ELF1: variants seen among roughly 807,000 people sequenced by gnomAD.
ELF1 encodes E74 like ETS transcription factor 1, also known as ETS-related transcription factor Elf-1.
In ELF1, 24 loss-of-function variants were observed where a neutral mutation model predicts 59.9. The ratio of observed to expected loss-of-function variants is 0.40; its 90% CI spans 0.29 to 0.56. The LOEUF is 0.56. ELF1 is among the 20% of genes least tolerant of loss of function. ELF1 has a pLI of 0.44. For missense variants in ELF1, 627 were observed against 742.2 expected, an observed-to-expected ratio of 0.84 and a Z score of 1.80; for synonymous variants, 248 against 266.2, an observed-to-expected ratio of 0.93 and a Z score of 0.67.
chr13:41,035,673 G>C (rs1466194869), intron 1 of ELF1, among the ~76,000 whole-genome samples: 2 of 137,392 alleles, frequency 1.5e-5, no homozygotes, highest in African/African-American at 5.4e-5. Flanking sequence ...ATTAATAGGT[G>C]AAAAATAATA....
At position 40,951,315 on chromosome 13, in the gene ELF1, T is replaced by A; in HGVS notation, c.361+14A>T. On this transcript the variant is annotated intron_variant, in intron 4 of 8. Transcript: ENST00000239882. The stretch of plus-strand genomic sequence containing the variant: ...TAACAAAGTACATAAACATAAACAA[T>A]CATAATCACTCACTTATTCGTTTTT... The A allele has an allele frequency of 1.3e-6, 2 of 1,593,352 alleles. No homozygotes were observed. The highest frequency in any genetic ancestry group is 1.7e-6 in the Non-Finnish European group (2 of 1,164,164).
Position 41,011,287 on chromosome 13 carries a change from T to C in ELF1, c.-229+7941A>G, listed in dbSNP as rs78537628. 2.0e-4 allele frequency among the ~76,000 whole-genome samples: 31 copies of C among 152,302 alleles called. No homozygotes were observed. The East Asian group carries it at 5.6e-3, about 27-fold the overall frequency. On this transcript the variant is annotated intron_variant, in intron 1 of 8. Coordinates refer to ENST00000239882, the MANE Select transcript of ELF1 (RefSeq NM_172373.4). Reference sequence around the variant, plus strand: ...GAAGATGAAACCTAACTAAATTACTTCTAGGTAACTAAAGCTCCAATTTGT... The same window carrying C: ...GAAGATGAAACCTAACTAAATTACTCCTAGGTAACTAAAGCTCCAATTTGT...
intron 1 of ELF1, among the ~76,000 whole-genome samples, chr13:41,014,502 A>G (rs1337796062): frequency 6.6e-6 from 1 of 152,132 alleles, no homozygotes; most frequent in African/African-American, 2.4e-5. Flanking sequence ...CCATGACCAG[A>G]AAAGACATTT....
chr13:40,989,285 A>C (rs775188889), intron 1 of ELF1, among the ~76,000 whole-genome samples: 11 of 152,198 alleles, frequency 7.2e-5, no homozygotes, highest in Non-Finnish European at 1.5e-4. Context: ...CTACACACAA[A>C]GTTGAAGGGA....
intron 1 of ELF1, among the ~76,000 whole-genome samples, chr13:41,016,395 A>G (rs1396706373): frequency 6.6e-6 from 1 of 152,190 alleles, no homozygotes; most frequent in Non-Finnish European, 1.5e-5. Flanking sequence ...CAGACAAAAG[A>G]TTTTGTATAT....
chr13:40,993,079 CA>C, intron 1 of ELF1: 1 of 1,608,462 alleles, frequency 6.2e-7, no homozygotes, highest in Non-Finnish European at 8.5e-7. Flanking sequence ...ATCATCTTGT[CA>C]AAATTTTGAG....
chr13:40,933,799 AAGG>A lies in ELF1; in HGVS notation c.1483_1485del (p.Pro495del). On this transcript the variant is annotated inframe_deletion, in exon 9 of 9. Coordinates refer to ENST00000239882, the MANE Select transcript of ELF1 (RefSeq NM_172373.4). Reference sequence around the variant, plus strand: ...ACCTGGGCAGGGCCCAAGACAATTGAAGGAGGAGAGCCCGCCTTTTGTGACTGC... The same window carrying A: ...ACCTGGGCAGGGCCCAAGACAATTGAAGGAGAGCCCGCCTTTTGTGACTGC... 3 of 1,614,250 alleles carry A rather than the reference AAGG, an allele frequency of 1.9e-6. No homozygotes were observed. Among genetic ancestry groups the A allele is most frequent in the Non-Finnish European group, 2.5e-6 (3 of 1,180,040 alleles).
intron 1 of ELF1, among the ~76,000 whole-genome samples, chr13:41,036,906 A>G (rs1406962892): frequency 6.6e-6 from 1 of 151,820 alleles, no homozygotes; most frequent in Non-Finnish European, 1.5e-5. Flanking sequence ...TTGAACAATG[A>G]GAACACTTGG....
Position 40,971,950 on chromosome 13 carries a change from T to TGG in ELF1, c.72+10031_72+10032dup, listed in dbSNP as rs68132266. Among the ~76,000 whole-genome samples, 1,171 of 149,720 alleles carry TGG rather than the reference T, an allele frequency of 7.8e-3. 13 individuals are homozygous for TGG. Among genetic ancestry groups the TGG allele is most frequent in the African/African-American group, 0.028 (1,109 of 40,310 alleles). On this transcript the variant is annotated intron_variant, in intron 2 of 8. Coordinates refer to ENST00000239882, the MANE Select transcript of ELF1 (RefSeq NM_172373.4). ...GGTAAACAAACAGGTAGTTTTTTTTTGGGGGGGGGTATAGTAAATTTTAAC... is the reference window on the plus strand; with the variant it reads ...GGTAAACAAACAGGTAGTTTTTTTTTGGGGGGGGGGGTATAGTAAATTTTAAC...
intron 8 of ELF1, among the ~76,000 whole-genome samples, chr13:40,936,494 C>T (rs780427118): frequency 2.0e-5 from 3 of 152,122 alleles, no homozygotes; most frequent in Admixed American, 6.5e-5. Flanking sequence ...TGGCTCATGC[C>T]TGTAATCCTA....
At chr13:40,939,674 A>C (rs904242244) in intron 8 of ELF1, among the ~76,000 whole-genome samples, 1 of 152,164 alleles carries the variant, frequency 6.6e-6, no homozygotes, top group Admixed American at 6.5e-5. Context: ...CTGAAATCTA[A>C]AATATGAAAC....
At chr13:41,016,162 C>T (rs1458764326) in intron 1 of ELF1, among the ~76,000 whole-genome samples, 1 of 152,094 alleles carries the variant, frequency 6.6e-6, no homozygotes, top group Non-Finnish European at 1.5e-5. Context: ...CCTGTTTTCC[C>T]AACAGGAATT....
At chr13:40,993,443 A>G (rs550943968) in intron 1 of ELF1, 3 of 628,146 alleles carry the variant, frequency 4.8e-6, no homozygotes, top group Non-Finnish European at 8.4e-6. Context: ...CCCGTTTGCT[A>G]CTATCCGCCC....
intron 1 of ELF1, among the ~76,000 whole-genome samples, chr13:41,008,787 T>C (rs1039583229): frequency 6.6e-6 from 1 of 152,196 alleles, no homozygotes; most frequent in Non-Finnish European, 1.5e-5. Flanking sequence ...ACTAGACATC[T>C]GTGTGAGGCT....
rs1381806424 is a variant in ELF1 at position 40,941,337 on chromosome 13, C to T, written c.840G>A (p.Val280=). The change falls in exon 8 of 9, where the codon GTG becomes GTA. Residue 280 remains valine (V), a synonymous_variant. Transcript: ENST00000239882. ...ACTGATACACCAAGCGCTGACCTTC[C>T]ACTTTTGCCAGAATACCCCTTTGGT... ...YYYQRGILAK[V]EGQRLVYQFK... 1.9e-6 allele frequency: 3 copies of T among 1,607,074 alleles called. No individual in the cohort carries two copies. The highest frequency in any genetic ancestry group is 2.2e-5 in the South Asian group (2 of 89,264).
upstream of ELF1, chr13:41,019,373 A>G (rs1272655788): frequency 1.0e-5 from 10 of 985,402 alleles, no homozygotes; most frequent in Non-Finnish European, 1.2e-5. Context: ...AAGTGTTTCT[A>G]AGGGAGGCAC....
rs372346993 is a variant in ELF1, at chr13:40,933,871, G to C, written c.1414C>G (p.Pro472Ala). Residue 472 changes from proline to alanine, a missense_variant, in exon 9 of 9, where the codon CCA becomes GCA. Physicochemically the swap from Pro to Ala is conservative, Grantham distance 27 (BLOSUM62 -1). Transcript: ENST00000239882. Reference protein sequence around the residue: ...GSQKFILQAIPSSQPMTVLKE... With the variant: ...GSQKFILQAIASSQPMTVLKE... ...AGTACTGTCATGGGCTGTGATGATG[G>C]AATGGCTTGTAAAATAAACTTCTGA... 5 of 1,614,228 alleles carry C rather than the reference G, an allele frequency of 3.1e-6. No individual in the cohort carries two copies. In the African/African-American group the frequency reaches 5.3e-5, roughly 17 times the overall value.
rs1173412949 is a variant in ELF1, at chr13:41,032,847, TC to T, written c.-229+27990del. On this transcript the variant is annotated intron_variant, in intron 1 of 1. Transcript: ENST00000405737. ...CTGGGTGACAGAGCAAGACCTTGTT[TC>T]TAAAAAAAAAAAAAAAACAAACCAA... Among the ~76,000 whole-genome samples the T allele has an allele frequency of 1.3e-4, 3 of 22,710 alleles. No individual in the cohort carries two copies. In the South Asian group the frequency reaches 6.7e-3, roughly 50 times the overall value. The allele number at this position is 22,710 out of a possible 152,430, so 14.9% of individuals were successfully genotyped here. A position where few individuals can be genotyped will look rare whatever the true frequency, so the allele number is the denominator to read the frequency against.
At chr13:41,039,329 CT>C (rs111505301) in intron 1 of ELF1, among the ~76,000 whole-genome samples, 41,476 of 135,690 alleles carry the variant, frequency 0.31, 7,516 homozygotes, top group Middle Eastern at 0.45. Context: ...ACAAAAAGTC[CT>C]TTTTTTAAAA....
Sources: allele counts gnomAD v4.1 joint callset (sites outside exome capture counted in the v4.1 genomes callset), GRCh38; gene constraint gnomAD v4.1.1; transcripts MANE v1.5; gene names NCBI Gene and HGNC (gene_info 2026-07-23, HGNC 2026-07-21).